Variants in RNF114 observed in about 807,000 individuals in gnomAD.
The protein encoded by RNF114 is ring finger protein 114, also known as E3 ubiquitin-protein ligase RNF114.
Under a neutral mutation model 28.4 loss-of-function variants are expected in RNF114, and 6 were observed. The ratio of observed to expected loss-of-function variants is 0.21; its 90% CI spans 0.12 to 0.42. The LOEUF is 0.42. RNF114 is among the 10% of genes least tolerant of loss of function. RNF114 has a pLI of 1.00. For synonymous variants in RNF114, 115 were observed against 116.7 expected, an observed-to-expected ratio of 0.99 and a Z score of 0.09; for missense variants, 249 against 311.7, an observed-to-expected ratio of 0.80 and a Z score of 1.51.
chr20:49,946,723 T>G (rs1388596925), intron 4 of RNF114, among the ~76,000 whole-genome samples: 1 of 152,122 alleles, frequency 6.6e-6, no homozygotes, highest in Non-Finnish European at 1.5e-5. Flanking sequence ...TTAAGTCATG[T>G]GATGTCTGTT....
At chr20:49,938,440 C>G (rs2235617) in intron 1 of RNF114, among the ~76,000 whole-genome samples, 53,282 of 152,116 alleles carry the variant, frequency 0.35, 11,058 homozygotes, top group South Asian at 0.56. Context: ...CGACTGCTTT[C>G]TCCTGTGCCT....
At chr20:49,947,663 CT>C (rs961127150) in intron 4 of RNF114, among the ~76,000 whole-genome samples, 10 of 148,654 alleles carry the variant, frequency 6.7e-5, no homozygotes, top group African/African-American at 2.5e-4. Flanking sequence ...AATTTTCTGT[CT>C]TTTTCCCCTC....
At chr20:49,951,994 C>CTAGGCTGTCCTGCTTCGGATCCAGTTGG in intron 5 of RNF114, 82 bp from the exon 6 acceptor site, 1 of 1,210,746 alleles carries the variant, frequency 8.3e-7, no homozygotes, top group Non-Finnish European at 1.2e-6. Context: ...GATCCAGTTG[C>CTAGGCTGTCCTGCTTCGGATCCAGTTGG]TAGGCTGTCC....
chr20:49,947,450 A>C (rs1600871473), intron 4 of RNF114, among the ~76,000 whole-genome samples: 1 of 152,226 alleles, frequency 6.6e-6, no homozygotes, highest in East Asian at 1.9e-4. Flanking sequence ...TTAGAATTTT[A>C]ATGAGCTTTT....
At chr20:49,938,239 G>T (rs985972704) in intron 1 of RNF114, among the ~76,000 whole-genome samples, 1 of 152,230 alleles carries the variant, frequency 6.6e-6, no homozygotes, top group Non-Finnish European at 1.5e-5. Context: ...ATGAAGAGCA[G>T]CAAAATTTGA....
rs368980212 is a variant in RNF114 at position 49,941,171 on chromosome 20, C to A, written c.141-390C>A. On this transcript the variant is annotated intron_variant, in intron 1 of 5. Coordinates refer to ENST00000244061, the MANE Select transcript of RNF114 (RefSeq NM_018683.4). ...TGGTGCGTTTTGTAAGGGCTGGACACTCTGCCAGGGGTCTGCTATACAAAC... is the reference window on the plus strand; with the variant it reads ...TGGTGCGTTTTGTAAGGGCTGGACAATCTGCCAGGGGTCTGCTATACAAAC... The A allele has an allele frequency of 1.2e-4, 19 of 163,408 alleles. No individual in the cohort carries two copies. In the East Asian group the frequency reaches 1.6e-3, roughly 14 times the overall value. The allele number at this position is 163,408 out of a possible 1,614,324, so 10.1% of individuals were successfully genotyped here. A position where few individuals can be genotyped will look rare whatever the true frequency, so the allele number is the denominator to read the frequency against.
At chr20:49,950,262 A>T (rs942996269) in intron 5 of RNF114, among the ~76,000 whole-genome samples, 1 of 151,324 alleles carries the variant, frequency 6.6e-6, no homozygotes, top group Admixed American at 6.6e-5. Context: ...ACAAACAAGA[A>T]GATGATCTGG....
At chr20:49,945,698 C>G (rs1432985355) in intron 3 of RNF114, among the ~76,000 whole-genome samples, 1 of 152,182 alleles carries the variant, frequency 6.6e-6, no homozygotes, top group African/African-American at 2.4e-5. Flanking sequence ...CAGAGTCTCG[C>G]TCTGTTGCCC....
rs1008812527 is a variant in RNF114 at position 49,953,171 on chromosome 20, T to C, written c.*1030T>C. 5.3e-5 allele frequency: 8 copies of C among 152,116 alleles called. No individual in the cohort carries two copies. Among genetic ancestry groups the C allele is most frequent in the Non-Finnish European group, 1.2e-4 (8 of 68,030 alleles). The allele number at this position is 152,116 out of a possible 1,614,324, so 9.4% of individuals were successfully genotyped here. ...ATGTAAAATGTGTTTGAAAACCTGC[T>C]TTGTAGATGCAGAGAGAAGCTATAG... is the stretch of plus-strand genomic sequence containing the variant. On this transcript the variant is annotated 3_prime_UTR_variant, in exon 6 of 6. Coordinates refer to ENST00000244061, the MANE Select transcript of RNF114 (RefSeq NM_018683.4).
At chr20:49,939,611 T>C (rs2090299434) in intron 1 of RNF114, among the ~76,000 whole-genome samples, 1 of 152,186 alleles carries the variant, frequency 6.6e-6, no homozygotes, top group South Asian at 2.1e-4. Context: ...TCAAAGTCAG[T>C]AAGTTATCAA....
In RNF114 at chr20:49,952,369, C is replaced by T. The variant is rs536361987; in HGVS notation, c.*228C>T. 2.2e-5 allele frequency: 12 copies of T among 552,520 alleles called. No individual in the cohort carries two copies. The highest frequency in any genetic ancestry group is 4.7e-4 in the Middle Eastern group (1 of 2,126). 34.2% of individuals were successfully genotyped at this position (552,520 alleles called of 1,614,324 possible). Reference sequence around the variant, plus strand: ...CCTACTGTTAACCTTGTTTGTCACACGGTCGAGTTCGTATTGGTTCTCGGC... The same window carrying T: ...CCTACTGTTAACCTTGTTTGTCACATGGTCGAGTTCGTATTGGTTCTCGGC... On this transcript the variant is annotated 3_prime_UTR_variant, in exon 6 of 6. Coordinates refer to ENST00000244061, the MANE Select transcript of RNF114 (RefSeq NM_018683.4).
At position 49,953,353 on chromosome 20, in the gene RNF114, A is replaced by G. The variant is rs1170314300; in HGVS notation, c.*1212A>G. On this transcript the variant is annotated 3_prime_UTR_variant, in exon 6 of 6. Coordinates refer to ENST00000244061, the MANE Select transcript of RNF114 (RefSeq NM_018683.4). ...GTTCATATTTCACAAATATTAATAA[A>G]TATAAGTCCAAGAGCTGTCAGCCTA... is the stretch of plus-strand genomic sequence containing the variant. 1 of 152,190 alleles carries G rather than the reference A, an allele frequency of 6.6e-6. No homozygotes were observed. Among genetic ancestry groups the G allele is most frequent in the African/African-American group, 2.4e-5 (1 of 41,454 alleles). 9.4% of individuals were successfully genotyped at this position (152,190 alleles called of 1,614,324 possible).
chr20:49,945,987 A>G, intron 3 of RNF114, 149 bp from the exon 4 acceptor site: 4 of 510,990 alleles, frequency 7.8e-6, no homozygotes, highest in Non-Finnish European at 1.4e-5. Flanking sequence ...TATTTTCACA[A>G]CACTTGACCT....
At chr20:49,947,915 C>T (rs987498415) in intron 4 of RNF114, among the ~76,000 whole-genome samples, 2 of 150,582 alleles carry the variant, frequency 1.3e-5, no homozygotes, top group Non-Finnish European at 3.0e-5. Context: ...CCTCAGCCTC[C>T]CGTGTAGCTG....
At chr20:49,947,999 C>G (rs1429108971) in intron 4 of RNF114, among the ~76,000 whole-genome samples, 1 of 151,704 alleles carries the variant, frequency 6.6e-6, no homozygotes, top group Non-Finnish European at 1.5e-5. Context: ...ACCGTGTTAG[C>G]CAGGATGGTC....
intron 1 of RNF114, among the ~76,000 whole-genome samples, chr20:49,937,958 C>T (rs2090294123): frequency 6.6e-6 from 1 of 152,116 alleles, no homozygotes; most frequent in South Asian, 2.1e-4. Context: ...TAAATAAGTA[C>T]CAATGACTGG....
At chr20:49,941,758 TG>T in intron 2 of RNF114, 47 bp downstream of exon 2, 1 of 1,592,572 alleles carries the variant, frequency 6.3e-7, no homozygotes. Context: ...CATGATAAGT[TG>T]GGGTAAAACG....
chr20:49,949,534 A>C (rs547187690), intron 5 of RNF114, among the ~76,000 whole-genome samples, 179 bp downstream of exon 5: 26 of 152,252 alleles, frequency 1.7e-4, no homozygotes, highest in African/African-American at 5.8e-4. Flanking sequence ...AAGAAGACTG[A>C]GTGGAAGAGG....
rs951367258 is a variant in RNF114 at position 49,952,264 on chromosome 20, C to T, written c.*123C>T. 6.9e-6 allele frequency: 6 copies of T among 874,484 alleles called. No individual in the cohort carries two copies. In the African/African-American group the frequency reaches 9.8e-5, roughly 14 times the overall value. 54.2% of individuals were successfully genotyped at this position (874,484 alleles called of 1,614,324 possible). Reference sequence around the variant, plus strand: ...CTGAAAATGAGCCATGGCATTGGGACAGGGTCACTTCTGACAGGGGAAGTG... The same window carrying T: ...CTGAAAATGAGCCATGGCATTGGGATAGGGTCACTTCTGACAGGGGAAGTG... On this transcript the variant is annotated 3_prime_UTR_variant, in exon 6 of 6. Coordinates refer to ENST00000244061, the MANE Select transcript of RNF114 (RefSeq NM_018683.4).
Sources: allele counts gnomAD v4.1 joint callset (sites outside exome capture counted in the v4.1 genomes callset), GRCh38; gene constraint gnomAD v4.1.1; transcripts MANE v1.5; gene names NCBI Gene and HGNC (gene_info 2026-07-23, HGNC 2026-07-21).